Variants in RADIL observed in about 807,000 individuals in gnomAD.
The protein encoded by RADIL is Rap associating with DIL domain, also known as ras-associating and dilute domain-containing protein.
RADIL carries 99 observed loss-of-function variants against 97.6 expected under a neutral mutation model. That is an observed-to-expected ratio of 1.01 (90% CI 0.86 to 1.20). The LOEUF (loss-of-function observed/expected upper bound fraction) is 1.20. Among genes scored for constraint, RADIL ranks in the 50% most tolerant of loss-of-function variants. The probability of loss-of-function intolerance (pLI) is 0.00; values close to 1 mark genes in which losing one functional copy is unlikely to be tolerated. For missense variants in RADIL, 1,765 were observed against 1,498.9 expected, an observed-to-expected ratio of 1.18 and a Z score of -2.93; for synonymous variants, 803 against 691.8, an observed-to-expected ratio of 1.16 and a Z score of -2.52.
At chr7:4,820,704 G>A (rs1583280656) in intron 6 of RADIL, among the ~76,000 whole-genome samples, 1 of 152,262 alleles carries the variant, frequency 6.6e-6, no homozygotes, top group East Asian at 1.9e-4. Context: ...CCCCAGGAGC[G>A]GGGGCCCCAC....
intron 2 of RADIL, among the ~76,000 whole-genome samples, chr7:4,876,181 G>T (rs1322625097): frequency 1.3e-5 from 2 of 151,888 alleles, no homozygotes; most frequent in Non-Finnish European, 2.9e-5. Context: ...TAGAGATGGG[G>T]CCTCACTATG....
rs376135961 is a variant in RADIL at position 4,805,613 on chromosome 7, C to T, written c.2243G>A (p.Ser748Asn). ...YQLASAMGPMSTWEPGAQDSP... is the reference protein window; with the variant it reads ...YQLASAMGPMNTWEPGAQDSP... Reference sequence around the variant, plus strand: ...GTCCTGGGCCCCTGGCTCCCAGGTGCTCATGGGGCCCATGGCCGAGGCCAG... The same window carrying T: ...GTCCTGGGCCCCTGGCTCCCAGGTGTTCATGGGGCCCATGGCCGAGGCCAG... Residue 748 changes from serine (S) to asparagine (N), a missense_variant, in exon 10 of 15, where the codon AGC (serine) becomes AAC (asparagine). Coordinates refer to ENST00000399583, the MANE Select transcript of RADIL (RefSeq NM_018059.5). 3 of 1,611,700 alleles carry T rather than the reference C, an allele frequency of 1.9e-6. No homozygotes were observed. In the African/African-American group the frequency reaches 4.0e-5, roughly 22 times the overall value.
chr7:4,806,058 G>C (rs934725341), intron 9 of RADIL: 1 of 985,312 alleles, frequency 1.0e-6, no homozygotes, highest in African/African-American at 1.7e-5. Flanking sequence ...TGCCTCCAAC[G>C]GTGTGAAAGA....
intron 12 of RADIL, 91 bp downstream of exon 12, chr7:4,801,562 C>CCCAAGGGGGGAACGAT (rs1163504971): frequency 7.2e-7 from 1 of 1,390,800 alleles, no homozygotes; most frequent in African/African-American, 1.5e-5. Flanking sequence ...AAACCTAGGA[C>CCCAAGGGGGGAACGAT]CCAAGGGGGG....
intron 2 of RADIL, chr7:4,860,698 CT>C: frequency 6.2e-7 from 1 of 1,614,142 alleles, no homozygotes; most frequent in African/African-American, 1.3e-5. Flanking sequence ...AATGCTTGTA[CT>C]TTTGAAAGAA....
Position 4,797,245 on chromosome 7 carries a change from C to G in RADIL, c.*2133G>C, listed in dbSNP as rs182990982. 2 of 152,306 alleles carry G rather than the reference C, an allele frequency of 1.3e-5. No homozygotes were observed. The highest frequency in any genetic ancestry group is 4.8e-5 in the African/African-American group (2 of 41,470). The allele number at this position is 152,306 out of a possible 1,614,324, so 9.4% of individuals were successfully genotyped here. A position where few individuals can be genotyped will look rare whatever the true frequency, so the allele number is the denominator to read the frequency against. ...CGGCCAGAGGCTAGCTGGGCCTCCC[C>G]GACTCCACGGGGCCTCCCTTCCTTG... On this transcript the variant is annotated 3_prime_UTR_variant, in exon 15 of 15. Coordinates refer to ENST00000399583, the MANE Select transcript of RADIL (RefSeq NM_018059.5).
rs781709371 is a variant in RADIL, at chr7:4,842,904, G to A, written c.536-6299C>T. Among the ~76,000 whole-genome samples, 1 of 152,004 alleles carries A rather than the reference G, an allele frequency of 6.6e-6. No homozygotes were observed. Among genetic ancestry groups the A allele is most frequent in the Non-Finnish European group, 1.5e-5 (1 of 67,988 alleles). On this transcript the variant is annotated intron_variant, in intron 2 of 14. Transcript: ENST00000399583. This position sits in a 1 kb window ranked among gnomAD's most constrained non-coding sequence, Gnocchi z 4.5. ...GCTGGAGTGCAGTGTGGATTCACAG[G>A]CGTGGTCACCATAATACCCTGCAGC... is the stretch of plus-strand genomic sequence containing the variant.
chr7:4,824,506 G>T lies in RADIL; in HGVS notation c.1455-1952C>A, dbSNP rs937098004. Among the ~76,000 whole-genome samples the T allele has an allele frequency of 6.6e-5, 10 of 152,212 alleles. No homozygotes were observed. The highest frequency in any genetic ancestry group is 2.2e-4 in the African/African-American group (9 of 41,456). The stretch of plus-strand genomic sequence containing the variant: ...CCCAGCTGGGCAGCCGAGCAGGGCT[G>T]GGGGAGGAACCCCAGGCTGCGTCCC... On this transcript the variant is annotated intron_variant, in intron 5 of 14. Coordinates refer to ENST00000399583, the MANE Select transcript of RADIL (RefSeq NM_018059.5). This position sits in a 1 kb window ranked among gnomAD's most constrained non-coding sequence, Gnocchi z 6.7.
In RADIL at chr7:4,863,243, CT is replaced by C. The variant is rs1784061746; in HGVS notation, c.535+14361del. Reference sequence around the variant, plus strand: ...CACTATTTTGTTCTTTTCCAAGCTTCTCTGCCTTTTAGATGGCATTCTGTTC... The same window carrying C: ...CACTATTTTGTTCTTTTCCAAGCTTCCTGCCTTTTAGATGGCATTCTGTTC... On this transcript the variant is annotated intron_variant, in intron 2 of 14. Coordinates refer to ENST00000399583, the MANE Select transcript of RADIL (RefSeq NM_018059.5). Among the ~76,000 whole-genome samples the C allele has an allele frequency of 5.9e-5, 9 of 152,204 alleles. No individual in the cohort carries two copies. In the South Asian group the frequency reaches 1.9e-3, roughly 31 times the overall value.
chr7:4,827,237 C>T (rs996548087), intron 5 of RADIL, among the ~76,000 whole-genome samples: 3 of 151,546 alleles, frequency 2.0e-5, no homozygotes, highest in East Asian at 1.9e-4. Flanking sequence ...TGGTGGCAGG[C>T]GCCTGTAATC....
In RADIL at chr7:4,873,651, GC is replaced by G. The variant is rs1344371144; in HGVS notation, c.535+3953del. Among the ~76,000 whole-genome samples the G allele has an allele frequency of 1.3e-5, 2 of 152,162 alleles. No homozygotes were observed. The highest frequency in any genetic ancestry group is 2.9e-5 in the Non-Finnish European group (2 of 68,034). ...CTTCAGTAGGATTTGTTTCACTGCA[GC>G]CCCCCACCTTCCCCCAAAGCGACAC... On this transcript the variant is annotated intron_variant, in intron 2 of 14. Transcript: ENST00000399583. The surrounding 1 kb of genome is among the most constrained non-coding windows in gnomAD (Gnocchi z 4.3).
intron 9 of RADIL, chr7:4,806,176 GTC>G: frequency 1.5e-6 from 1 of 652,470 alleles, no homozygotes. Flanking sequence ...TTGAGACAGA[GTC>G]TCATGCTGTC....
At position 4,854,921 on chromosome 7, in the gene RADIL, C is replaced by A. The variant is rs930200235; in HGVS notation, c.536-18316G>T. 2.6e-5 allele frequency among the ~76,000 whole-genome samples: 4 copies of A among 152,200 alleles called. No individual in the cohort carries two copies. Among genetic ancestry groups the A allele is most frequent in the African/African-American group, 9.7e-5 (4 of 41,448 alleles). ...TCACCCCACCAAAGGGAATCACTTT[C>A]CTGGATTCCGTGTTTAACATGGCCT... On this transcript the variant is annotated intron_variant, in intron 2 of 14. Coordinates refer to ENST00000399583, the MANE Select transcript of RADIL (RefSeq NM_018059.5). The surrounding 1 kb of genome is among the most constrained non-coding windows in gnomAD (Gnocchi z 5.1).
At chr7:4,870,218 G>A (rs755257049) in intron 2 of RADIL, among the ~76,000 whole-genome samples, 11 of 152,266 alleles carry the variant, frequency 7.2e-5, no homozygotes, top group African/African-American at 1.2e-4. Flanking sequence ...GGGAAGGGGC[G>A]CAGGGCGAGC....
rs1782698395 is a variant in RADIL at position 4,817,119 on chromosome 7, T to G, written c.1728+120A>C. On this transcript the variant is annotated intron_variant, in intron 7 of 14. Transcript: ENST00000399583. This position sits in a 1 kb window ranked among gnomAD's most constrained non-coding sequence, Gnocchi z 8.3. ...CCACTGCTCCCTGATGAAGTGGAGC[T>G]TGTCACGGTCCCCTCCCTCAGCCCC... The G allele has an allele frequency of 2.5e-6, 2 of 810,364 alleles. No individual in the cohort carries two copies. Among genetic ancestry groups the G allele is most frequent in the Non-Finnish European group, 3.9e-6 (2 of 506,384 alleles). 50.2% of individuals were successfully genotyped at this position (810,364 alleles called of 1,614,324 possible).
chr7:4,861,282 G>A (rs1232353624), intron 2 of RADIL: 1 of 1,614,128 alleles, frequency 6.2e-7, no homozygotes, highest in Non-Finnish European at 8.5e-7. Context: ...GGAATAGTCT[G>A]TAGTGCTAAT....
At position 4,835,322 on chromosome 7, in the gene RADIL, A is replaced by G. The variant is rs1368272240; in HGVS notation, c.784-83T>C. 6 of 1,524,374 alleles carry G rather than the reference A, an allele frequency of 3.9e-6. No homozygotes were observed. In the East Asian group the frequency reaches 1.5e-4, roughly 37 times the overall value. The allele number at this position is 1,524,374 out of a possible 1,614,324, so 94.4% of individuals were successfully genotyped here. On this transcript the variant is annotated intron_variant, in intron 3 of 14. Transcript: ENST00000399583. This position sits in a 1 kb window ranked among gnomAD's most constrained non-coding sequence, Gnocchi z 5.8. ...TCCCGTGTCTAGTCACTGGTTGCTG[A>G]AGCAGCGTGGCTGGGATGCTGTCGC... is the stretch of plus-strand genomic sequence containing the variant.
rs761566410 is a variant in RADIL at position 4,836,417 on chromosome 7, G to A, written c.724C>T (p.Arg242Trp). The A allele has an allele frequency of 1.1e-5, 18 of 1,583,748 alleles. No homozygotes were observed. Among genetic ancestry groups the A allele is most frequent in the African/African-American group, 8.1e-5 (6 of 74,280 alleles). ...GPEEPGPDAM[R>W]YSLYQSPHLL... ...TGCGGGGACTGGTACAGCGAGTACCGCATGGCGTCGGGGCCGGGCTCCTCG... is the reference window on the plus strand; with the variant it reads ...TGCGGGGACTGGTACAGCGAGTACCACATGGCGTCGGGGCCGGGCTCCTCG... The change falls in exon 3 of 15, where the codon CGG becomes TGG. Residue 242 changes from arginine (R) to tryptophan (W), a missense_variant. By Grantham distance (101) the Arg-to-Trp change is moderately radical (BLOSUM62 -3). Coordinates refer to ENST00000399583, the MANE Select transcript of RADIL (RefSeq NM_018059.5).
rs780076589 is a variant in RADIL, at chr7:4,835,201, C to T, written c.822G>A (p.Thr274=). ...LVYVLNRDRH[T]VGQRTPSSKP... is the part of the protein sequence containing the mutation. ...TGCTGGAGGGGGTCCGCTGGCCCAC[C>T]GTGTGCCGGTCCCGGTTGAGCACAT... Residue 274 remains threonine (T), a synonymous_variant, in exon 4 of 15, where the codon ACG becomes ACA. Transcript: ENST00000399583. This position sits in a 1 kb window ranked among gnomAD's most constrained non-coding sequence, Gnocchi z 5.8. 2.5e-5 allele frequency: 41 copies of T among 1,611,732 alleles called. No individual in the cohort carries two copies. Among genetic ancestry groups the T allele is most frequent in the African/African-American group, 1.5e-4 (11 of 74,918 alleles).
Sources: gnomAD v4.1 joint callset for allele counts (sites outside exome capture counted in the v4.1 genomes callset) on GRCh38, gnomAD v4.1.1 for gene constraint, Gnocchi (gnomAD v3.1) non-coding constraint, MANE v1.5 for transcripts, NCBI Gene and HGNC (gene_info 2026-07-23, HGNC 2026-07-21) for gene names.